Variants in SBF1 observed in about 807,000 individuals in gnomAD.
SBF1 encodes the protein SET binding factor 1.
A neutral mutation model predicts 215.8 loss-of-function variants in SBF1; 65 were observed. The ratio of observed to expected loss-of-function variants is 0.30; its 90% CI spans 0.25 to 0.37. The LOEUF (loss-of-function observed/expected upper bound fraction) is 0.37, where lower values mean the gene tolerates loss of function less well. Ranked by LOEUF, SBF1 falls within the 10% of genes least tolerant of loss-of-function variation. The pLI, the probability that SBF1 is intolerant of heterozygous loss-of-function variation, is 1.00. For synonymous variants in SBF1, 1,410 were observed against 1,122.8 expected (o/e 1.26, Z -5.11); for missense variants, 2,634 against 2,667.8 (o/e 0.99, Z 0.28).
Position 50,464,446 on chromosome 22 carries a change from G to C in SBF1, c.1637-5C>G, listed in dbSNP as rs377462059. On this transcript the variant is annotated splice_region_variant and splice_polypyrimidine_tract_variant and intron_variant, in intron 14 of 40. Transcript: ENST00000380817. ...TGCACCGCTCCAGTATGGCAGCTGC[G>C]GGGACAGAATACACACACTCGGACC... 5 of 1,612,664 alleles carry C rather than the reference G, an allele frequency of 3.1e-6. No individual in the cohort carries two copies. The highest frequency in any genetic ancestry group is 3.4e-6 in the Non-Finnish European group (4 of 1,179,172).
intron 28 of SBF1, among the ~76,000 whole-genome samples, chr22:50,459,005 G>A (rs1304692176): frequency 3.3e-5 from 5 of 152,212 alleles, no homozygotes; most frequent in African/African-American, 1.2e-4. Context: ...CAGACGCAGA[G>A]GTGGAGAGCG....
chr22:50,465,143 G>A lies in SBF1; in HGVS notation c.1204-14C>T, dbSNP rs1456312861. Reference sequence around the variant, plus strand: ...CAGGAAGGCTGCCTGGATGACAGAAGGAGGTCGGTCCCTCAGGGGTCTCCA... The same window carrying A: ...CAGGAAGGCTGCCTGGATGACAGAAAGAGGTCGGTCCCTCAGGGGTCTCCA... On this transcript the variant is annotated splice_polypyrimidine_tract_variant and intron_variant, in intron 11 of 40. Coordinates refer to ENST00000380817, the MANE Select transcript of SBF1 (RefSeq NM_002972.4). The A allele has an allele frequency of 6.2e-7, 1 of 1,613,994 alleles. No homozygotes were observed.
rs770615760 is a variant in SBF1, at chr22:50,460,423, A to G, written c.3147-15T>C. ...GGGACAGGGTTCTGAGGCCCACGAG[A>G]GTCAGCAAAGGTGAGAGGAGGAGGG... On this transcript the variant is annotated splice_polypyrimidine_tract_variant and intron_variant, in intron 24 of 40. Coordinates refer to ENST00000380817, the MANE Select transcript of SBF1 (RefSeq NM_002972.4). The G allele has an allele frequency of 1.9e-6, 3 of 1,605,820 alleles. No homozygotes were observed. Among genetic ancestry groups the G allele is most frequent in the East Asian group, 2.2e-5 (1 of 44,716 alleles).
chr22:50,465,752 A>G lies in SBF1; in HGVS notation c.1089+11T>C. ...CTGGGGTCCCCATGCAGGAGCAGCA[A>G]CGACCCCCACCTGCATCTTCAGGGA... On this transcript the variant is annotated intron_variant, in intron 10 of 40. Transcript: ENST00000380817. The G allele has an allele frequency of 6.3e-7, 1 of 1,590,814 alleles. No homozygotes were observed. The highest frequency in any genetic ancestry group is 8.5e-7 in the Non-Finnish European group (1 of 1,169,754).
At chr22:50,474,293 G>A (rs1274472945) in intron 1 of SBF1, among the ~76,000 whole-genome samples, 2 of 152,174 alleles carry the variant, frequency 1.3e-5, no homozygotes, top group Non-Finnish European at 2.9e-5. Context: ...CCCCCTCTTT[G>A]CACCCCGCCA....
At position 50,460,258 on chromosome 22, in the gene SBF1, C is replaced by T. The variant is rs759665363; in HGVS notation, c.3283+14G>A. The T allele has an allele frequency of 6.9e-5, 110 of 1,601,094 alleles. No homozygotes were observed. The East Asian group carries it at 2.4e-3, about 35-fold the overall frequency. On this transcript the variant is annotated intron_variant, in intron 25 of 40. Coordinates refer to ENST00000380817, the MANE Select transcript of SBF1 (RefSeq NM_002972.4). ...ATCCAGAGACCACCCAGGACTCCACCCCCACCCCTCCACCTGAGATCTCGT... is the reference window on the plus strand; with the variant it reads ...ATCCAGAGACCACCCAGGACTCCACTCCCACCCCTCCACCTGAGATCTCGT...
In SBF1 at chr22:50,474,793, G is replaced by C; in HGVS notation, c.48C>G (p.His16Gln). Residue 16 changes from histidine to glutamine, a missense_variant, in exon 1 of 41, where the codon CAC (histidine) becomes CAG (glutamine). His to Gln is a conservative substitution (Grantham distance 24). Coordinates refer to ENST00000380817, the MANE Select transcript of SBF1 (RefSeq NM_002972.4). ...CTTGGCCTCGGCACTCACCGCGCGG[G>C]TGCGGCCCGAACGCCACCAGCACGA... ...DYFVLVAFGP[H>Q]PRGSGEGQGQ... is the part of the protein sequence containing the mutation. The C allele has an allele frequency of 6.8e-7, 1 of 1,460,932 alleles. No individual in the cohort carries two copies. The highest frequency in any genetic ancestry group is 1.5e-5 in the African/African-American group (1 of 67,668). 90.5% of individuals were successfully genotyped at this position (1,460,932 alleles called of 1,614,324 possible).
chr22:50,452,988 GAAA>G (rs1052807032), intron 36 of SBF1, among the ~76,000 whole-genome samples: 1 of 148,690 alleles, frequency 6.7e-6, no homozygotes, highest in Non-Finnish European at 1.5e-5. Flanking sequence ...AGAAAAGAAA[GAAA>G]GGAAAAAAAA....
Position 50,459,254 on chromosome 22 carries a change from C to T in SBF1, c.3826+1G>A, listed in dbSNP as rs1009209509. ...CACCGTCTGCCCACAAGCACCCTCA[C>T]CGTGACTGCCCATGTGGGCTGAGGA... On this transcript the variant is annotated splice_donor_variant, in intron 28 of 40. Transcript: ENST00000380817. LOFTEE classifies it high-confidence loss of function. The T allele has an allele frequency of 1.4e-5, 23 of 1,597,752 alleles. No homozygotes were observed. Among genetic ancestry groups the T allele is most frequent in the Non-Finnish European group, 1.8e-5 (21 of 1,167,680 alleles).
At chr22:50,456,077 C>G in intron 31 of SBF1, 139 bp downstream of exon 31, 1 of 922,020 alleles carries the variant, frequency 1.1e-6, no homozygotes, top group South Asian at 1.8e-5. Context: ...GCACCAGAGC[C>G]TGGGTGGGAA....
chr22:50,469,487 G>A (rs2067918143), intron 1 of SBF1, among the ~76,000 whole-genome samples: 4 of 152,350 alleles, frequency 2.6e-5, no homozygotes, highest in African/African-American at 9.6e-5. Context: ...GAAGCCCGGT[G>A]GGGACCACAG....
chr22:50,474,893 G>A lies in SBF1; in HGVS notation c.-53C>T, dbSNP rs1409948211. The A allele has an allele frequency of 4.8e-6, 6 of 1,255,854 alleles. No homozygotes were observed. In the South Asian group the frequency reaches 5.2e-5, roughly 11 times the overall value. The allele number at this position is 1,255,854 out of a possible 1,614,324, so 77.8% of individuals were successfully genotyped here. On this transcript the variant is annotated 5_prime_UTR_variant, in exon 1 of 41. Coordinates refer to ENST00000380817, the MANE Select transcript of SBF1 (RefSeq NM_002972.4). ...GCGCGGGCGGGCTCCGCGGCTCGGG[G>A]ACTCGAGGACGGCGCGCTCATGGCC...
In SBF1 at chr22:50,468,408, C is replaced by G. The variant is rs1556437260; in HGVS notation, c.109G>C (p.Glu37Gln). 1 of 1,612,906 alleles carries G rather than the reference C, an allele frequency of 6.2e-7. No homozygotes were observed. The highest frequency in any genetic ancestry group is 1.3e-5 in the African/African-American group (1 of 74,846). Reference protein sequence around the residue: ...ILQRFPEKDWEDNPFPQGIEL... With the variant: ...ILQRFPEKDWQDNPFPQGIEL... ...ATGCCCTGGGGGAATGGGTTGTCCT[C>G]CCAGTCCTTCTCTGGGAAGCGCTGC... Residue 37 changes from glutamate (E) to glutamine (Q), a missense_variant, in exon 2 of 41, where the codon GAG (glutamate) becomes CAG (glutamine). By Grantham distance (29) the Glu-to-Gln change is conservative. Coordinates refer to ENST00000380817, the MANE Select transcript of SBF1 (RefSeq NM_002972.4).
At chr22:50,471,697 GC>G (rs1260241960) in intron 1 of SBF1, among the ~76,000 whole-genome samples, 1 of 152,006 alleles carries the variant, frequency 6.6e-6, no homozygotes. Context: ...AACCTCCCCT[GC>G]CCATCAGACC....
Position 50,465,760 on chromosome 22 carries a change from C to T in SBF1, c.1089+3G>A. ...CCCATGCAGGAGCAGCAACGACCCC[C>T]ACCTGCATCTTCAGGGAGGAGGTGG... is the stretch of plus-strand genomic sequence containing the variant. On this transcript the variant is annotated splice_donor_region_variant and intron_variant, in intron 10 of 40. Coordinates refer to ENST00000380817, the MANE Select transcript of SBF1 (RefSeq NM_002972.4). 1 of 1,600,794 alleles carries T rather than the reference C, an allele frequency of 6.2e-7. No homozygotes were observed. The highest frequency in any genetic ancestry group is 1.1e-5 in the South Asian group (1 of 89,262).
chr22:50,461,516 G>A lies in SBF1; in HGVS notation c.2839+7C>T. The A allele has an allele frequency of 6.3e-7, 1 of 1,590,628 alleles. No individual in the cohort carries two copies. Among genetic ancestry groups the A allele is most frequent in the Non-Finnish European group, 8.6e-7 (1 of 1,164,314 alleles). ...GGGCGACAGGGCCAGAGAGTCTGCA[G>A]GCTCACCCAGGGGGTCCGTGGGCAT... On this transcript the variant is annotated splice_region_variant and intron_variant, in intron 22 of 40. Coordinates refer to ENST00000380817, the MANE Select transcript of SBF1 (RefSeq NM_002972.4).
Position 50,461,286 on chromosome 22 carries a change from A to C in SBF1, c.2840T>G (p.Val947Gly). 1 of 1,579,884 alleles carries C rather than the reference A, an allele frequency of 6.3e-7. No individual in the cohort carries two copies. The highest frequency in any genetic ancestry group is 8.6e-7 in the Non-Finnish European group (1 of 1,159,462). The change falls in exon 23 of 41, where the codon GTT becomes GGT. Residue 947 changes from valine (V) to glycine (G), a missense_variant and splice_region_variant. Physicochemically the swap from Val to Gly is moderately radical, Grantham distance 109. Coordinates refer to ENST00000380817, the MANE Select transcript of SBF1 (RefSeq NM_002972.4). ...IFTGMPTDPL[V>G]GEQVVVRSFP... is the part of the protein sequence containing the mutation. ...GGAGCGGACCACCACCTGCTCCCCA[A>C]CTTAGGACAGGCCAGGCAGAGTCAG...
rs1365686334 is a variant in SBF1 at position 50,461,288 on chromosome 22, T to G, written c.2840-2A>C. The G allele has an allele frequency of 6.3e-7, 1 of 1,582,840 alleles. No homozygotes were observed. The highest frequency in any genetic ancestry group is 8.6e-7 in the Non-Finnish European group (1 of 1,164,398). On this transcript the variant is annotated splice_acceptor_variant, in intron 22 of 40. Coordinates refer to ENST00000380817, the MANE Select transcript of SBF1 (RefSeq NM_002972.4). LOFTEE classifies it high-confidence loss of function. ...AGCGGACCACCACCTGCTCCCCAAC[T>G]TAGGACAGGCCAGGCAGAGTCAGAA... is the stretch of plus-strand genomic sequence containing the variant.
chr22:50,447,687 T>C, intron 38 of SBF1, 78 bp from the exon 39 acceptor site: 2 of 1,063,758 alleles, frequency 1.9e-6, no homozygotes, highest in South Asian at 1.4e-5. Flanking sequence ...CGTCCCCCCC[T>C]TGCTGTCCCA....
Sources: gnomAD v4.1 joint callset for allele counts (sites outside exome capture counted in the v4.1 genomes callset) on GRCh38, gnomAD v4.1.1 for gene constraint, MANE v1.5 for transcripts, NCBI Gene and HGNC (gene_info 2026-07-23, HGNC 2026-07-21) for gene names.